The following OPRM1 variants were observed in gnomAD, a reference collection of about 807,000 sequenced individuals.
OPRM1 encodes mu-type opioid receptor.
Under a neutral mutation model 31.8 loss-of-function variants are expected in OPRM1, and 27 were observed. The ratio of observed to expected loss-of-function variants is 0.85; its 90% CI spans 0.63 to 1.17. The LOEUF (loss-of-function observed/expected upper bound fraction) is 1.17. Ranked by LOEUF, OPRM1 falls within the 50% of genes most tolerant of loss-of-function variation. The pLI is 0.00. For synonymous variants in OPRM1, 196 were observed against 189.9 expected (o/e 1.03, Z -0.26); for missense variants, 536 against 511.1 (o/e 1.05, Z -0.47).
At chr6:154,161,793 T>C (rs1799041702) in intron 3 of OPRM1, among the ~76,000 whole-genome samples, 1 of 152,168 alleles carries the variant, frequency 6.6e-6, no homozygotes, top group South Asian at 2.1e-4. Flanking sequence ...ATTCAATTCA[T>C]GCATGTGATT....
intron 1 of OPRM1, among the ~76,000 whole-genome samples, chr6:154,023,358 C>T (rs1282547474): frequency 1.3e-5 from 2 of 151,946 alleles, no homozygotes; most frequent in Admixed American, 1.3e-4. Context: ...AGATTGTTTA[C>T]TTTTGACATA....
chr6:154,087,863 C>T (rs528745180), intron 1 of OPRM1: 1 of 152,192 alleles, frequency 6.6e-6, no homozygotes, highest in Non-Finnish European at 1.5e-5. Context: ...AGGTATACTT[C>T]TGCCATCAGA....
chr6:154,138,760 G>C (rs1486589278), intron 3 of OPRM1, among the ~76,000 whole-genome samples: 1 of 152,208 alleles, frequency 6.6e-6, no homozygotes, highest in Admixed American at 6.5e-5. Context: ...CTTCTTGCCT[G>C]GGTACTAGAC....
intron 3 of OPRM1, among the ~76,000 whole-genome samples, chr6:154,152,319 G>GAA (rs1459199060): frequency 2.4e-5 from 1 of 41,002 alleles, no homozygotes; most frequent in Non-Finnish European, 5.5e-5. Flanking sequence ...AAGAAAGAAA[G>GAA]AAAGAAAGAA....
chr6:154,027,589 C>T (rs913372170), intron 1 of OPRM1, among the ~76,000 whole-genome samples: 4 of 152,212 alleles, frequency 2.6e-5, no homozygotes, highest in Non-Finnish European at 5.9e-5. Flanking sequence ...AGGCCCTGGG[C>T]ATGTGCAGAG....
intron 2 of OPRM1, 39 bp downstream of exon 2, chr6:154,090,217 A>G (rs776814003): frequency 2.2e-6 from 3 of 1,360,160 alleles, no homozygotes; most frequent in Non-Finnish European, 3.1e-6. Context: ...GAGGGTTCAC[A>G]GCCTGATATG....
intron 3 of OPRM1, among the ~76,000 whole-genome samples, chr6:154,105,539 AT>A (rs1191664616): frequency 1.3e-5 from 2 of 152,232 alleles, no homozygotes; most frequent in African/African-American, 4.8e-5. Context: ...ATTATAAATC[AT>A]CTTCTAAAGA....
chr6:154,234,244 T>C (rs1377441937), intron 3 of OPRM1, among the ~76,000 whole-genome samples: 1 of 152,132 alleles, frequency 6.6e-6, no homozygotes, highest in East Asian at 1.9e-4. Flanking sequence ...AGTTCCTTTT[T>C]CCCTTAGCGT....
At chr6:154,136,759 A>G (rs1583646205), downstream of OPRM1, among the ~76,000 whole-genome samples, 1 of 152,152 alleles carries the variant, frequency 6.6e-6, no homozygotes, top group South Asian at 2.1e-4. Flanking sequence ...TGACCTGCCC[A>G]TATGATGTGG....
At chr6:154,160,787 T>C (rs1280284348) in intron 3 of OPRM1, among the ~76,000 whole-genome samples, 1 of 152,220 alleles carries the variant, frequency 6.6e-6, no homozygotes, top group East Asian at 1.9e-4. Context: ...CTCAAATCTA[T>C]GCCTGTTTTC....
Position 154,127,577 on chromosome 6 carries a change from G to C in OPRM1, c.*8856G>C, listed in dbSNP as rs1158173748. On this transcript the variant is annotated 3_prime_UTR_variant, in exon 4 of 4. Transcript: ENST00000330432. ...CCACACCACCAATTGAGATGTACCT[G>C]TGCTCATGACTTGACATTGTGGTGG... Among the ~76,000 whole-genome samples, 2 of 152,220 alleles carry C rather than the reference G, an allele frequency of 1.3e-5. No homozygotes were observed. The highest frequency in any genetic ancestry group is 2.9e-5 in the Non-Finnish European group (2 of 68,040).
chr6:154,202,182 T>C (rs1660869389), intron 3 of OPRM1, among the ~76,000 whole-genome samples: 1 of 152,198 alleles, frequency 6.6e-6, no homozygotes, highest in Admixed American at 6.5e-5. Flanking sequence ...TAGCATGACA[T>C]TAAAATCTCT....
intron 3 of OPRM1, chr6:154,091,781 G>C: frequency 9.4e-7 from 1 of 1,067,484 alleles, no homozygotes; most frequent in Non-Finnish European, 1.1e-6. Context: ...AAATAATTCT[G>C]ATCTAGAATC....
At chr6:154,015,580 A>G (rs753322375) in intron 1 of OPRM1, among the ~76,000 whole-genome samples, 10 of 152,088 alleles carry the variant, frequency 6.6e-5, no homozygotes, top group Admixed American at 2.0e-4. Flanking sequence ...GGTAAATTCT[A>G]TAATCTGAGA....
Position 154,103,512 on chromosome 6 carries a change from A to G in OPRM1, c.1164+12040A>G, listed in dbSNP as rs1464048764. On this transcript the variant is annotated intron_variant, in intron 3 of 3. Coordinates refer to ENST00000330432, the MANE Select transcript of OPRM1 (RefSeq NM_000914.5). Reference sequence around the variant, plus strand: ...CTCTTACTAATTTCTGTAATACTATACTGTGTTTATGATCTAGGTAATAGT... The same window carrying G: ...CTCTTACTAATTTCTGTAATACTATGCTGTGTTTATGATCTAGGTAATAGT... 2.0e-5 allele frequency among the ~76,000 whole-genome samples: 3 copies of G among 152,122 alleles called. No individual in the cohort carries two copies. The East Asian group carries it at 5.8e-4, about 29-fold the overall frequency.
At chr6:154,210,592 T>C (rs1464999152) in intron 3 of OPRM1, among the ~76,000 whole-genome samples, 2 of 152,162 alleles carry the variant, frequency 1.3e-5, no homozygotes, top group African/African-American at 2.4e-5. Context: ...CTGAGAAACA[T>C]TGTAAGGTCT....
chr6:154,018,226 C>G (rs1778125777), intron 1 of OPRM1, among the ~76,000 whole-genome samples: 1 of 152,060 alleles, frequency 6.6e-6, no homozygotes, highest in African/African-American at 2.4e-5. Flanking sequence ...TGAGACCAGC[C>G]TGGCCAACAT....
intron 3 of OPRM1, among the ~76,000 whole-genome samples, chr6:154,161,114 C>T (rs536099552): frequency 2.0e-5 from 3 of 152,310 alleles, no homozygotes; most frequent in African/African-American, 7.2e-5. Flanking sequence ...CATGAAGAAT[C>T]TTCCTTGCCT....
rs1023278396 is a variant in OPRM1, at chr6:154,132,336, A to G, written c.*13615A>G. On this transcript the variant is annotated 3_prime_UTR_variant, in exon 4 of 4. Transcript: ENST00000330432. Reference sequence around the variant, plus strand: ...TAATGTGTAATTATATGTGATAAATAAAACCTAAAACTGATACAAATCTAG... The same window carrying G: ...TAATGTGTAATTATATGTGATAAATGAAACCTAAAACTGATACAAATCTAG... 1.3e-5 allele frequency among the ~76,000 whole-genome samples: 2 copies of G among 152,208 alleles called. No individual in the cohort carries two copies. Among genetic ancestry groups the G allele is most frequent in the Non-Finnish European group, 2.9e-5 (2 of 68,030 alleles).
Sources: allele counts gnomAD v4.1 joint callset (sites outside exome capture counted in the v4.1 genomes callset), GRCh38; gene constraint gnomAD v4.1.1; transcripts MANE v1.5; gene names NCBI Gene and HGNC (gene_info 2026-07-23, HGNC 2026-07-21).